USH2A: variants seen among roughly 807,000 people sequenced by gnomAD.
USH2A encodes the protein usherin, also known as Usher syndrome 2A (autosomal recessive, mild).
USH2A carries 443 observed loss-of-function variants against 538.9 expected under a neutral mutation model. The ratio of observed to expected loss-of-function variants is 0.82; its 90% confidence interval spans 0.76 to 0.89. The LOEUF (loss-of-function observed/expected upper bound fraction) is 0.89, where lower values mean the gene tolerates loss of function less well. Ranked by LOEUF, USH2A falls within the 40% of genes least tolerant of loss-of-function variation. The probability of loss-of-function intolerance (pLI) is 0.00; values close to 1 mark genes in which losing one functional copy is unlikely to be tolerated. For synonymous variants in USH2A, 2,413 were observed against 2,273.5 expected (o/e 1.06, Z -1.75); for missense variants, 6,633 against 6,324.8 (o/e 1.05, Z -1.65).
intron 59 of USH2A, among the ~76,000 whole-genome samples, chr1:215,741,755 CAT>C (rs1241353337): frequency 6.6e-6 from 1 of 151,960 alleles, no homozygotes; most frequent in Non-Finnish European, 1.5e-5. Flanking sequence ...TTTATATAGA[CAT>C]AAACAATAAG....
rs750169042 is a variant in USH2A at position 216,418,647 on chromosome 1, A to T, written c.518T>A (p.Ile173Asn). ...CVIEKTVDGQ[I>N]VFKLTISEKE... ...CTCAGATATTGTAAGTTTGAACACAATCTGCCCATCTACTGTCTTTTCTAT... is the reference window on the plus strand; with the variant it reads ...CTCAGATATTGTAAGTTTGAACACATTCTGCCCATCTACTGTCTTTTCTAT... The change falls in exon 3 of 72, where the codon ATT (isoleucine) becomes AAT (asparagine). Residue 173 changes from isoleucine to asparagine, a missense_variant. Transcript: ENST00000307340. 6.2e-7 allele frequency: 1 copy of T among 1,613,266 alleles called. No homozygotes were observed. The highest frequency in any genetic ancestry group is 1.7e-5 in the Admixed American group (1 of 59,934).
rs778669346 is a variant in USH2A, at chr1:215,647,553, G to A, written c.14760C>T (p.Ser4920=). The stretch of plus-strand genomic sequence containing the variant: ...TTTGGGTGGTGAAACTGATCCACTC[G>A]GAAGCCGTACTGCCCACCTCGTTGT... The part of the protein sequence containing the change: ...VAHNEVGSTA[S]EWISFTTQKE... The change falls in exon 67 of 72, where the codon TCC becomes TCT. Residue 4920 remains serine (S), a synonymous_variant. Transcript: ENST00000307340. The A allele has an allele frequency of 1.4e-5, 23 of 1,613,928 alleles. No individual in the cohort carries two copies. Among genetic ancestry groups the A allele is most frequent in the African/African-American group, 2.7e-5 (2 of 74,894 alleles).
chr1:216,329,227 A>C (rs890572549), intron 4 of USH2A, among the ~76,000 whole-genome samples: 1 of 152,180 alleles, frequency 6.6e-6, no homozygotes, highest in Admixed American at 6.5e-5. Context: ...TTGTTCTAAA[A>C]TTTATAATTA....
At position 215,674,580 on chromosome 1, in the gene USH2A, G is replaced by A. The variant is rs762388072; in HGVS notation, c.13331C>T (p.Pro4444Leu). 13 of 1,614,006 alleles carry A rather than the reference G, an allele frequency of 8.1e-6. No individual in the cohort carries two copies. The South Asian group carries it at 9.9e-5, about 12-fold the overall frequency. The change falls in exon 63 of 72, where the codon CCA becomes CTA. Residue 4444 changes from proline (P) to leucine (L), a missense_variant. Coordinates refer to ENST00000307340, the MANE Select transcript of USH2A (RefSeq NM_206933.4). ...CAATGTTGGAGAGTCCATGTTCTCT[G>A]GCAGGGCCTCCATTGTCCAGGCAGA... is the stretch of plus-strand genomic sequence containing the variant. ...SKSAWTMEAL[P>L]ENMDSPTLQV...
rs781675282 is a variant in USH2A at position 215,867,188 on chromosome 1, T to TA, written c.8682-19dup. The TA allele has an allele frequency of 5.0e-5, 80 of 1,611,816 alleles. No individual in the cohort carries two copies. In the Middle Eastern group the frequency reaches 6.6e-4, roughly 13 times the overall value. ...TTGTAAACCTAAAATGTTGTTTTGTTAAAAAAAGTATATGAATTTCTACTT... is the reference window on the plus strand; with the variant it reads ...TTGTAAACCTAAAATGTTGTTTTGTTAAAAAAAAGTATATGAATTTCTACTT... On this transcript the variant is annotated intron_variant, in intron 43 of 71. Transcript: ENST00000307340.
In USH2A at chr1:216,077,198, C is replaced by A. The variant is rs556150207; in HGVS notation, c.5572+891G>T. Among the ~76,000 whole-genome samples, 7 of 152,260 alleles carry A rather than the reference C, an allele frequency of 4.6e-5. No individual in the cohort carries two copies. In the South Asian group the frequency reaches 1.4e-3, roughly 32 times the overall value. ...ACCATGACTGCCACAAGAAATGATA[C>A]ACAGATATTGTTAGCCTTTTCAAAT... On this transcript the variant is annotated intron_variant, in intron 27 of 71. Coordinates refer to ENST00000307340, the MANE Select transcript of USH2A (RefSeq NM_206933.4).
chr1:215,708,185 T>C (rs1275866240), intron 61 of USH2A, among the ~76,000 whole-genome samples: 2 of 152,206 alleles, frequency 1.3e-5, no homozygotes, highest in African/African-American at 4.8e-5. Context: ...ATCTGCTTTA[T>C]TTTCCTCCAT....
In USH2A at chr1:216,187,640, C is replaced by T. The variant is rs145047209; in HGVS notation, c.4396+2583G>A. ...AATCAAAGTTGTAAAATAAACTCTC[C>T]TTGATTTTGATAACATTAGAAATTC... is the stretch of plus-strand genomic sequence containing the variant. On this transcript the variant is annotated intron_variant, in intron 20 of 71. Transcript: ENST00000307340. 4.1e-3 allele frequency among the ~76,000 whole-genome samples: 624 copies of T among 151,828 alleles called. 4 individuals carry two copies. The highest frequency in any genetic ancestry group is 0.014 in the African/African-American group (587 of 41,442).
intron 32 of USH2A, among the ~76,000 whole-genome samples, chr1:216,014,006 C>T (rs1413706426): frequency 1.3e-5 from 2 of 151,944 alleles, no homozygotes; most frequent in Admixed American, 6.6e-5. Context: ...ACTGTCCATC[C>T]CAAAGTGGAT....
At chr1:216,404,634 T>TA (rs923670099) in intron 3 of USH2A, among the ~76,000 whole-genome samples, 2 of 150,110 alleles carry the variant, frequency 1.3e-5, no homozygotes, top group African/African-American at 2.5e-5. Flanking sequence ...TTTTTTTTTT[T>TA]TTTTTAAGAC....
chr1:215,821,443 T>C (rs1663011971), intron 47 of USH2A, among the ~76,000 whole-genome samples: 1 of 151,814 alleles, frequency 6.6e-6, no homozygotes, highest in African/African-American at 2.4e-5. Context: ...TTCCCATTTT[T>C]AATCAGATGT....
intron 4 of USH2A, among the ~76,000 whole-genome samples, chr1:216,347,121 A>C (rs894173346): frequency 6.6e-6 from 1 of 152,082 alleles, no homozygotes; most frequent in Non-Finnish European, 1.5e-5. Context: ...TTGACTTTTG[A>C]AAATTGTTCA....
At chr1:215,978,927 G>A (rs1667684733) in intron 35 of USH2A, among the ~76,000 whole-genome samples, 1 of 152,212 alleles carries the variant, frequency 6.6e-6, no homozygotes, top group South Asian at 2.1e-4. Context: ...TTCAGTAAAG[G>A]TATCCCAAAT....
chr1:216,411,814 C>T (rs963708216), intron 3 of USH2A, among the ~76,000 whole-genome samples: 3 of 152,094 alleles, frequency 2.0e-5, no homozygotes, highest in Admixed American at 1.3e-4. Context: ...TTCTAGCCTC[C>T]AGAACTCTTC....
At chr1:216,349,926 A>G (rs2038247743) in intron 4 of USH2A, among the ~76,000 whole-genome samples, 1 of 152,146 alleles carries the variant, frequency 6.6e-6, no homozygotes, top group Non-Finnish European at 1.5e-5. Flanking sequence ...GAAATACCTG[A>G]GGCTGGGTAA....
intron 3 of USH2A, among the ~76,000 whole-genome samples, chr1:216,367,911 G>T (rs2038631036): frequency 6.6e-6 from 1 of 152,172 alleles, no homozygotes; most frequent in African/African-American, 2.4e-5. Flanking sequence ...AAAGCCTTCT[G>T]CTAAAATAAA....
intron 4 of USH2A, among the ~76,000 whole-genome samples, chr1:216,350,516 T>A (rs917492720): frequency 6.6e-6 from 1 of 152,094 alleles, no homozygotes; most frequent in Non-Finnish European, 1.5e-5. Context: ...CCAAACGGGA[T>A]AAATCAGCCA....
At chr1:216,103,439 G>A (rs189253047) in intron 21 of USH2A, among the ~76,000 whole-genome samples, 1 of 152,308 alleles carries the variant, frequency 6.6e-6, no homozygotes, top group African/African-American at 2.4e-5. Context: ...ACAGGAAAAT[G>A]TAAGACATTT....
intron 20 of USH2A, among the ~76,000 whole-genome samples, chr1:216,185,516 A>C (rs2102650493): frequency 6.6e-6 from 1 of 152,002 alleles, no homozygotes; most frequent in East Asian, 1.9e-4. Context: ...TCTTTTTCAA[A>C]ATTTTTGAAT....
Sources: gnomAD v4.1 joint callset for allele counts (sites outside exome capture counted in the v4.1 genomes callset) on GRCh38, gnomAD v4.1.1 for gene constraint, MANE v1.5 for transcripts, NCBI Gene and HGNC (gene_info 2026-07-23, HGNC 2026-07-21) for gene names.